The following CLCNKA variants were observed in gnomAD, a reference collection of about 807,000 sequenced individuals.
CLCNKA encodes the protein chloride voltage-gated channel Ka, also known as chloride channel protein ClC-Ka.
A neutral mutation model predicts 83.3 loss-of-function variants in CLCNKA; 66 were observed. The ratio of observed to expected loss-of-function variants is 0.79; its 90% CI spans 0.65 to 0.97. The LOEUF (loss-of-function observed/expected upper bound fraction) is 0.97, where lower values mean the gene tolerates loss of function less well. Ranked by LOEUF, CLCNKA falls within the 50% of genes least tolerant of loss-of-function variation. CLCNKA has a pLI of 0.00. For synonymous variants in CLCNKA, 357 were observed against 370.4 expected, an observed-to-expected ratio of 0.96 and a Z score of 0.42; for missense variants, 806 against 888.7, an observed-to-expected ratio of 0.91 and a Z score of 1.18.
chr1:16,025,915 C>A (rs1002231758), intron 4 of CLCNKA, among the ~76,000 whole-genome samples, 193 bp from the exon 5 acceptor site: 1 of 152,088 alleles, frequency 6.6e-6, no homozygotes, highest in African/African-American at 2.4e-5. Context: ...CCACCATGCC[C>A]GGCTAATTTT....
intron 2 of CLCNKA, among the ~76,000 whole-genome samples, 184 bp downstream of exon 2, chr1:16,022,903 A>G (rs923167864): frequency 2.0e-5 from 3 of 152,214 alleles, no homozygotes; most frequent in African/African-American, 7.2e-5. Context: ...TGTGGGTCAG[A>G]TGGGCCAGGC....
chr1:16,028,919 A>C, intron 11 of CLCNKA, 74 bp downstream of exon 11: 2 of 1,564,118 alleles, frequency 1.3e-6, no homozygotes, highest in South Asian at 2.2e-5. Context: ...GTCTCACGTA[A>C]TACCCTCAGC....
At chr1:16,033,084 C>G (rs1007727077) in intron 18 of CLCNKA, 86 bp from the exon 19 acceptor site, 2 of 1,404,916 alleles carry the variant, frequency 1.4e-6, no homozygotes, top group Non-Finnish European at 1.0e-6. Flanking sequence ...CGCCCCTCTT[C>G]CTGGCTCAGA....
In CLCNKA at chr1:16,033,270, G is replaced by A. The variant is rs753768774; in HGVS notation, c.2016+14G>A. 8.1e-6 allele frequency: 13 copies of A among 1,613,006 alleles called. No individual in the cohort carries two copies. Among genetic ancestry groups the A allele is most frequent in the African/African-American group, 2.7e-5 (2 of 74,648 alleles). ...TCCTGGGTGGAGGTACCAGGGTCCCGGGGGCAGAGCAAAGCAGGGGACCCA... is the reference window on the plus strand; with the variant it reads ...TCCTGGGTGGAGGTACCAGGGTCCCAGGGGCAGAGCAAAGCAGGGGACCCA... On this transcript the variant is annotated intron_variant, in intron 19 of 19. Transcript: ENST00000331433.
intron 14 of CLCNKA, 151 bp from the exon 15 acceptor site, chr1:16,030,310 C>T: frequency 9.7e-7 from 1 of 1,031,084 alleles, no homozygotes; most frequent in Non-Finnish European, 1.4e-6. Flanking sequence ...TCACCAAGCC[C>T]AGGCCTTGGG....
intron 1 of CLCNKA, among the ~76,000 whole-genome samples, 171 bp from the exon 2 acceptor site, chr1:16,022,442 C>T (rs1162429759): frequency 3.3e-5 from 5 of 152,166 alleles, no homozygotes; most frequent in Non-Finnish European, 7.4e-5. Context: ...CACACACCCT[C>T]AGTGACGGAA....
At chr1:16,023,080 C>G (rs1410404048) in intron 2 of CLCNKA, among the ~76,000 whole-genome samples, 1 of 152,232 alleles carries the variant, frequency 6.6e-6, no homozygotes, top group Non-Finnish European at 1.5e-5. Context: ...ACTTGGCACC[C>G]TTCCTTGGAG....
intron 8 of CLCNKA, 101 bp downstream of exon 8, chr1:16,027,536 T>TCTCTCCCTCTTTTCCCTCC (rs2022418830): frequency 1.3e-6 from 2 of 1,554,304 alleles, no homozygotes; most frequent in Admixed American, 3.8e-5. Flanking sequence ...CCCTTCCCTC[T>TCTCTCCCTCTTTTCCCTCC]CTCTCCCTCT....
intron 4 of CLCNKA, 54 bp downstream of exon 4, chr1:16,024,945 AG>A: frequency 6.2e-7 from 1 of 1,608,940 alleles, no homozygotes; most frequent in Non-Finnish European, 8.5e-7. Context: ...CTCAGATCCC[AG>A]GGGGCTTCTG....
chr1:16,026,396 G>C, intron 5 of CLCNKA, 140 bp from the exon 6 acceptor site: 2 of 1,459,848 alleles, frequency 1.4e-6, no homozygotes, highest in South Asian at 1.2e-5. Flanking sequence ...GCCAGGCCAG[G>C]TCCCCAGTGT....
rs761472825 is a variant in CLCNKA, at chr1:16,022,605, T to G, written c.-7-8T>G. 13 of 1,551,978 alleles carry G rather than the reference T, an allele frequency of 8.4e-6. No homozygotes were observed. The highest frequency in any genetic ancestry group is 1.1e-5 in the Non-Finnish European group (13 of 1,146,584). On this transcript the variant is annotated splice_region_variant and splice_polypyrimidine_tract_variant and intron_variant, in intron 1 of 19. Coordinates refer to ENST00000331433, the MANE Select transcript of CLCNKA (RefSeq NM_004070.4). ...CACCCGGGTCCTTCCCTCCATCTGCTTCTCCAGGGGCCTGATGGAGGAGTT... is the reference window on the plus strand; with the variant it reads ...CACCCGGGTCCTTCCCTCCATCTGCGTCTCCAGGGGCCTGATGGAGGAGTT...
At chr1:16,029,694 G>A (rs1351323823) in intron 12 of CLCNKA, 37 bp from the exon 13 acceptor site, 1 of 1,612,064 alleles carries the variant, frequency 6.2e-7, no homozygotes, top group Non-Finnish European at 8.5e-7. Flanking sequence ...TTGCCCAGCG[G>A]CCTCTAACCT....
In CLCNKA at chr1:16,032,240, G is replaced by C; in HGVS notation, c.1794G>C (p.Gln598His). ...TGGTAGGCATCGTGCAGAGGGCCCA[G>C]CTGGTGCAGGCCCTCCAGGCTGAGC... ...QILVGIVQRAQLVQALQAEPP... is the reference protein window; with the variant it reads ...QILVGIVQRAHLVQALQAEPP... The change falls in exon 17 of 20, where the codon CAG becomes CAC. Residue 598 changes from glutamine (Q) to histidine (H), a missense_variant. Transcript: ENST00000331433. 6.2e-7 allele frequency: 1 copy of C among 1,612,664 alleles called. No homozygotes were observed. Among genetic ancestry groups the C allele is most frequent in the Non-Finnish European group, 8.5e-7 (1 of 1,179,956 alleles).
intron 18 of CLCNKA, 149 bp downstream of exon 18, chr1:16,032,675 T>C (rs1220757792): frequency 5.9e-6 from 4 of 681,526 alleles, no homozygotes; most frequent in Non-Finnish European, 1.1e-5. Flanking sequence ...GGGCAGCTCC[T>C]GCCGTCGCCC....
At chr1:16,030,784 G>T in intron 15 of CLCNKA, 110 bp downstream of exon 15, 1 of 1,446,400 alleles carries the variant, frequency 6.9e-7, no homozygotes, top group East Asian at 2.3e-5. Context: ...CCTCCGACAT[G>T]GGGGCTGGGA....
intron 8 of CLCNKA, 102 bp downstream of exon 8, chr1:16,027,537 C>T: frequency 6.4e-7 from 1 of 1,555,736 alleles, no homozygotes; most frequent in Non-Finnish European, 8.7e-7. Context: ...CCTTCCCTCT[C>T]TCTCCCTCTT....
chr1:16,029,407 A>C, intron 12 of CLCNKA, 108 bp downstream of exon 12: 1 of 1,532,058 alleles, frequency 6.5e-7, no homozygotes, highest in South Asian at 1.2e-5. Context: ...CCTCTCACCC[A>C]CACTTCCTTC....
At position 16,022,605 on chromosome 1, in the gene CLCNKA, T is replaced by C; in HGVS notation, c.-7-8T>C. On this transcript the variant is annotated splice_region_variant and splice_polypyrimidine_tract_variant and intron_variant, in intron 1 of 19. Coordinates refer to ENST00000331433, the MANE Select transcript of CLCNKA (RefSeq NM_004070.4). ...CACCCGGGTCCTTCCCTCCATCTGC[T>C]TCTCCAGGGGCCTGATGGAGGAGTT... 2 of 1,552,096 alleles carry C rather than the reference T, an allele frequency of 1.3e-6. No homozygotes were observed. Among genetic ancestry groups the C allele is most frequent in the Non-Finnish European group, 1.7e-6 (2 of 1,146,576 alleles).
intron 3 of CLCNKA, among the ~76,000 whole-genome samples, chr1:16,024,311 C>T (rs1426470892): frequency 6.6e-6 from 1 of 152,242 alleles, no homozygotes; most frequent in Non-Finnish European, 1.5e-5. Flanking sequence ...ACCCTGAGGC[C>T]TCCCTGGAAG....
Sources: allele counts gnomAD v4.1 joint callset (sites outside exome capture counted in the v4.1 genomes callset), GRCh38; gene constraint gnomAD v4.1.1; transcripts MANE v1.5; gene names NCBI Gene and HGNC (gene_info 2026-07-23, HGNC 2026-07-21).